PUM1: variants seen among roughly 807,000 people sequenced by gnomAD.
PUM1 encodes the protein pumilio RNA binding family member 1.
In PUM1, 13 loss-of-function variants were observed where a neutral mutation model predicts 131.8. The ratio of observed to expected loss-of-function variants is 0.10; its 90% confidence interval spans 0.06 to 0.16. The LOEUF (loss-of-function observed/expected upper bound fraction) is 0.16. Ranked by LOEUF, PUM1 falls within the 10% of genes least tolerant of loss-of-function variation. The probability of loss-of-function intolerance (pLI) is 1.00; values close to 1 mark genes in which losing one functional copy is unlikely to be tolerated. For missense variants in PUM1, 961 were observed against 1,512.4 expected (o/e 0.64, Z 6.05); for synonymous variants, 509 against 556.5 (o/e 0.91, Z 1.20).
chr1:30,980,522 A>G lies in PUM1; in HGVS notation c.1253-359T>C, dbSNP rs568726609. Among the ~76,000 whole-genome samples, 192 of 152,308 alleles carry G rather than the reference A, an allele frequency of 1.3e-3. 7 individuals carry two copies. In the South Asian group the frequency reaches 0.039, roughly 31 times the overall value. ...GAAGTATTTATTTCTATTTAAAACA[A>G]TTTTCCAAACAGTTTTCATGAAATA... is the stretch of plus-strand genomic sequence containing the variant. On this transcript the variant is annotated intron_variant, in intron 8 of 21. Coordinates refer to ENST00000426105, the MANE Select transcript of PUM1 (RefSeq NM_001020658.2).
In PUM1 at chr1:30,968,419, A is replaced by G; in HGVS notation, c.1580T>C (p.Leu527Pro). Residue 527 changes from leucine to proline, a missense_variant, in exon 11 of 22, where the codon CTT (leucine) becomes CCT (proline). By Grantham distance (98) the Leu-to-Pro change is moderately conservative (BLOSUM62 -3). Around this residue, in one of 4 missense-constraint regions of PUM1, gnomAD observed 654 missense variants for 923.9 expected, o/e 0.71. Coordinates refer to ENST00000426105, the MANE Select transcript of PUM1 (RefSeq NM_001020658.2). Reference protein sequence around the residue: ...QNQQGQQTDPLVAAAAVNSAL... With the variant: ...QNQQGQQTDPPVAAAAVNSAL... ...AGAATTCACTGCTGCAGCTGCCACA[A>G]GGGGATCCGTTTGCTGTCCCTGCTG... The G allele has an allele frequency of 3.1e-6, 5 of 1,602,326 alleles. No individual in the cohort carries two copies. Among genetic ancestry groups the G allele is most frequent in the South Asian group, 1.1e-5 (1 of 89,098 alleles).
chr1:30,942,391 G>A (rs1030211791), intron 18 of PUM1, among the ~76,000 whole-genome samples: 2 of 151,208 alleles, frequency 1.3e-5, no homozygotes, highest in South Asian at 2.1e-4. Context: ...TTTCCAAGCC[G>A]CCAAGAAACA....
intron 20 of PUM1, among the ~76,000 whole-genome samples, chr1:30,939,389 GC>G (rs543737709): frequency 3.3e-5 from 5 of 152,084 alleles, no homozygotes; most frequent in Non-Finnish European, 7.4e-5. Flanking sequence ...TTAAAACTGG[GC>G]CCCCCCGAAC....
intron 16 of PUM1, among the ~76,000 whole-genome samples, chr1:30,951,308 T>C (rs1639924429): frequency 6.6e-6 from 1 of 152,110 alleles, no homozygotes; most frequent in Non-Finnish European, 1.5e-5. Flanking sequence ...CATTCTAAAA[T>C]CAAAAATACA....
chr1:31,022,960 C>T (rs886984458), intron 3 of PUM1, among the ~76,000 whole-genome samples: 3 of 151,824 alleles, frequency 2.0e-5, no homozygotes, highest in Admixed American at 6.6e-5. Flanking sequence ...CTGGAAGTCA[C>T]GAGTTTGAGA....
At chr1:31,042,804 G>C (rs904567098) in intron 2 of PUM1, among the ~76,000 whole-genome samples, 7 of 152,190 alleles carry the variant, frequency 4.6e-5, no homozygotes, top group Non-Finnish European at 1.0e-4. Context: ...TCGCTCTGTT[G>C]CCCAGGCTGG....
In PUM1 at chr1:30,968,366, C is replaced by G. The variant is rs1045829009; in HGVS notation, c.1633G>C (p.Ala545Pro). ...AATGCAGCCGCACCTGGCATGCCTG[C>G]TGCCAGACCTTGTCCAAATGCAAGG... ...SALAFGQGLA[A>P]GMPGYPVLAP... The change falls in exon 11 of 22, where the codon GCA (alanine) becomes CCA (proline). Residue 545 changes from alanine to proline, a missense_variant. Physicochemically the swap from Ala to Pro is conservative, Grantham distance 27. This residue lies in a region of PUM1 where 654 missense variants were observed against 923.9 expected (regional missense o/e 0.71). Coordinates refer to ENST00000426105, the MANE Select transcript of PUM1 (RefSeq NM_001020658.2). 4 of 1,582,772 alleles carry G rather than the reference C, an allele frequency of 2.5e-6. No homozygotes were observed. The highest frequency in any genetic ancestry group is 2.6e-6 in the Non-Finnish European group (3 of 1,162,592).
intron 3 of PUM1, among the ~76,000 whole-genome samples, chr1:31,016,437 A>C (rs913257050): frequency 3.3e-5 from 5 of 152,308 alleles, no homozygotes; most frequent in African/African-American, 1.2e-4. Flanking sequence ...CTTCTCTTTC[A>C]GTGAAGGAAT....
Position 31,005,941 on chromosome 1 carries a change from C to G in PUM1, c.632G>C (p.Arg211Pro). The G allele has an allele frequency of 6.2e-7, 1 of 1,613,820 alleles. No homozygotes were observed. Among genetic ancestry groups the G allele is most frequent in the Non-Finnish European group, 8.5e-7 (1 of 1,179,818 alleles). The change falls in exon 5 of 22, where the codon CGA becomes CCA. Residue 211 changes from arginine to proline, a missense_variant. Physicochemically the swap from Arg to Pro is moderately radical, Grantham distance 103 (BLOSUM62 -2). Coordinates refer to ENST00000426105, the MANE Select transcript of PUM1 (RefSeq NM_001020658.2). Reference sequence around the variant, plus strand: ...AACGCCTAGTCCCCCACTCTCCGATCGTGGGGACAGTACAGAATTGACCTC... The same window carrying G: ...AACGCCTAGTCCCCCACTCTCCGATGGTGGGGACAGTACAGAATTGACCTC... ...NSEVNSVLSPRSESGGLGVSM... is the reference protein window; with the variant it reads ...NSEVNSVLSPPSESGGLGVSM...
chr1:31,041,119 C>T lies in PUM1; in HGVS notation c.364-12255G>A, dbSNP rs145213546. The stretch of plus-strand genomic sequence containing the variant: ...ATCTAGGATAGCTCCTAACATGCCA[C>T]AAATGGATATATCAACCACAGAAAC... On this transcript the variant is annotated intron_variant, in intron 2 of 21. Transcript: ENST00000426105. Among the ~76,000 whole-genome samples, 236 of 152,054 alleles carry T rather than the reference C, an allele frequency of 1.6e-3. 2 individuals are homozygous for T. The highest frequency in any genetic ancestry group is 3.7e-3 in the South Asian group (18 of 4,812).
At chr1:30,964,585 C>G (rs1640548207) in intron 14 of PUM1, 89 bp downstream of exon 14, 2 of 1,129,874 alleles carry the variant, frequency 1.8e-6, no homozygotes, top group South Asian at 1.3e-5. Flanking sequence ...TATAAAGGGA[C>G]TGTCCTTTGC....
chr1:30,977,999 C>A (rs1484624338), intron 9 of PUM1, among the ~76,000 whole-genome samples: 3 of 152,224 alleles, frequency 2.0e-5, no homozygotes, highest in Admixed American at 6.5e-5. Context: ...AATCCCAGCA[C>A]TCTGGGAGGC....
In PUM1 at chr1:31,006,678, G is replaced by C. The variant is rs149179923; in HGVS notation, c.541+316C>G. On this transcript the variant is annotated intron_variant, in intron 4 of 21. Transcript: ENST00000426105. ...AGAAAAAGAAACATGAACTTCAAATGGCAGGTGTGGATTTTCTAATTCCAA... is the reference window on the plus strand; with the variant it reads ...AGAAAAAGAAACATGAACTTCAAATCGCAGGTGTGGATTTTCTAATTCCAA... 1.7e-4 allele frequency among the ~76,000 whole-genome samples: 26 copies of C among 152,278 alleles called. No individual in the cohort carries two copies. In the East Asian group the frequency reaches 2.9e-3, roughly 17 times the overall value.
chr1:30,980,294 G>A (rs1641309341), intron 8 of PUM1, 131 bp from the exon 9 acceptor site: 1 of 725,268 alleles, frequency 1.4e-6, no homozygotes, highest in Non-Finnish European at 2.4e-6. Context: ...GACGGGACAG[G>A]TTGAGGGTAA....
intron 13 of PUM1, among the ~76,000 whole-genome samples, chr1:30,965,684 G>T (rs1016521498): frequency 6.6e-6 from 1 of 152,112 alleles, no homozygotes; most frequent in Non-Finnish European, 1.5e-5. Context: ...CTCAGTTTTT[G>T]ATATCAATTT....
chr1:31,038,368 G>A (rs996415553), intron 2 of PUM1, among the ~76,000 whole-genome samples: 2 of 152,102 alleles, frequency 1.3e-5, no homozygotes, highest in Non-Finnish European at 2.9e-5. Context: ...CTCCCTTTGC[G>A]ATGGACTAGG....
chr1:30,986,190 G>C (rs115072463), intron 7 of PUM1, among the ~76,000 whole-genome samples: 1 of 151,994 alleles, frequency 6.6e-6, no homozygotes, highest in Admixed American at 6.6e-5. Context: ...CCTGACCTTG[G>C]GTGTCCTGCC....
intron 13 of PUM1, 95 bp from the exon 14 acceptor site, chr1:30,965,005 T>G: frequency 1.0e-6 from 1 of 989,564 alleles, no homozygotes; most frequent in Non-Finnish European, 1.5e-6. Context: ...CCAGACTCCT[T>G]ACCACCGCAA....
At chr1:31,028,138 A>T (rs745941108) in intron 3 of PUM1, among the ~76,000 whole-genome samples, 3 of 152,186 alleles carry the variant, frequency 2.0e-5, no homozygotes, top group Non-Finnish European at 4.4e-5. Context: ...CTTCCTTTTT[A>T]AGACTTACAG....
Sources: allele counts gnomAD v4.1 joint callset (sites outside exome capture counted in the v4.1 genomes callset), GRCh38; gene constraint gnomAD v4.1.1; regional missense constraint gnomAD v4.1.1; transcripts MANE v1.5; gene names NCBI Gene and HGNC (gene_info 2026-07-23, HGNC 2026-07-21).